Variants in MTUS1 observed in about 807,000 individuals in gnomAD.
MTUS1 encodes the protein microtubule-associated tumor suppressor 1.
A neutral mutation model predicts 120.8 loss-of-function variants in MTUS1; 109 were observed. That is an observed-to-expected ratio of 0.90 (90% CI 0.77 to 1.06). The LOEUF (loss-of-function observed/expected upper bound fraction) is 1.06, where lower values mean the gene tolerates loss of function less well. Ranked by LOEUF, MTUS1 falls within the 50% of genes least tolerant of loss-of-function variation. The pLI is 0.00. For missense variants in MTUS1, 2,210 were observed against 1,486.3 expected, an observed-to-expected ratio of 1.49 and a Z score of -8.01; for synonymous variants, 737 against 550.5, an observed-to-expected ratio of 1.34 and a Z score of -4.74.
intron 3 of MTUS1, among the ~76,000 whole-genome samples, chr8:17,730,595 C>T (rs1488083595): frequency 6.6e-6 from 1 of 151,772 alleles, no homozygotes; most frequent in Non-Finnish European, 1.5e-5. Flanking sequence ...CTACTGTTCA[C>T]AGGCAGATGA....
Position 17,754,904 on chromosome 8 carries a change from G to A in MTUS1, c.904C>T (p.Pro302Ser), listed in dbSNP as rs367941919. 2.5e-6 allele frequency: 4 copies of A among 1,614,038 alleles called. No homozygotes were observed. Among genetic ancestry groups the A allele is most frequent in the African/African-American group, 2.7e-5 (2 of 74,914 alleles). ...LTPVSDGMEV[P>S]NDSALQEFFC... Reference sequence around the variant, plus strand: ...AACTCTTGTAATGCAGAATCATTGGGGACTTCCATGCCATCAGAAACTGGT... The same window carrying A: ...AACTCTTGTAATGCAGAATCATTGGAGACTTCCATGCCATCAGAAACTGGT... Residue 302 changes from proline (P) to serine (S), a missense_variant, in exon 2 of 15, where the codon CCC becomes TCC. Physicochemically the swap from Pro to Ser is moderately conservative, Grantham distance 74 (BLOSUM62 -1). Transcript: ENST00000693296.
intron 13 of MTUS1, among the ~76,000 whole-genome samples, chr8:17,648,857 C>A (rs537715740): frequency 6.6e-6 from 1 of 152,356 alleles, no homozygotes; most frequent in African/African-American, 2.4e-5. Context: ...GGACAGTCAA[C>A]AGCAAGGCAC....
intron 1 of MTUS1, among the ~76,000 whole-genome samples, chr8:17,763,113 C>T (rs531298221): frequency 1.3e-5 from 2 of 152,134 alleles, no homozygotes; most frequent in South Asian, 4.1e-4. Context: ...GCCTCAGCCT[C>T]CTGAGTAGCT....
intron 6 of MTUS1, among the ~76,000 whole-genome samples, chr8:17,707,566 C>T (rs1820421583): frequency 6.6e-6 from 1 of 152,156 alleles, no homozygotes; most frequent in Non-Finnish European, 1.5e-5. Flanking sequence ...TTCAATGTAA[C>T]AGAAATTATT....
intron 6 of MTUS1, chr8:17,697,805 TTAAC>T (rs1818278734): frequency 1.2e-6 from 1 of 826,148 alleles, no homozygotes; most frequent in Non-Finnish European, 1.5e-6. Context: ...CTAGGGGAAA[TTAAC>T]TACTTCAAGT....
chr8:17,649,298 C>T (rs192850474), intron 13 of MTUS1, among the ~76,000 whole-genome samples: 2 of 152,194 alleles, frequency 1.3e-5, no homozygotes, highest in Admixed American at 1.3e-4. Flanking sequence ...CTCAAGTGAC[C>T]CACCCATCTC....
At chr8:17,681,564 T>A (rs546582079) in intron 7 of MTUS1, 1 of 154,942 alleles carries the variant, frequency 6.5e-6, no homozygotes, top group African/African-American at 2.4e-5. Context: ...AGTAAGAATA[T>A]CTGGCACTTA....
chr8:17,704,706 T>C (rs1044029365), intron 6 of MTUS1, among the ~76,000 whole-genome samples: 2 of 152,242 alleles, frequency 1.3e-5, no homozygotes, highest in East Asian at 1.9e-4. Flanking sequence ...CTGTGATGCC[T>C]CCAGCTTTGT....
intron 6 of MTUS1, among the ~76,000 whole-genome samples, chr8:17,696,520 A>C (rs7017165): frequency 0.011 from 1,693 of 152,334 alleles, 41 homozygotes; most frequent in African/African-American, 0.039. Flanking sequence ...AAACTGATTT[A>C]ATTTACTGTA....
intron 8 of MTUS1, among the ~76,000 whole-genome samples, chr8:17,668,908 G>A (rs1005213398): frequency 6.6e-6 from 1 of 152,074 alleles, no homozygotes; most frequent in Non-Finnish European, 1.5e-5. Context: ...AATGTTAAAC[G>A]GTTTATAGAA....
At chr8:17,774,806 A>G (rs1236496188) in intron 1 of MTUS1, among the ~76,000 whole-genome samples, 2 of 152,078 alleles carry the variant, frequency 1.3e-5, no homozygotes, top group African/African-American at 4.8e-5. Flanking sequence ...AGTATTTACA[A>G]TAACCAAAAA....
chr8:17,723,561 C>T (rs368387546), intron 4 of MTUS1, 111 bp downstream of exon 4: 1 of 1,163,572 alleles, frequency 8.6e-7, no homozygotes, highest in Non-Finnish European at 1.3e-6. Context: ...AGCAGTATGC[C>T]TATTTTTCCT....
chr8:17,676,730 T>C (rs1314723143), intron 7 of MTUS1, among the ~76,000 whole-genome samples: 1 of 152,196 alleles, frequency 6.6e-6, no homozygotes, highest in African/African-American at 2.4e-5. Context: ...CCCTCTCTAA[T>C]TGTGGTCATT....
At chr8:17,650,849 T>A (rs571319142) in intron 12 of MTUS1, among the ~76,000 whole-genome samples, 1 of 152,324 alleles carries the variant, frequency 6.6e-6, no homozygotes, top group African/African-American at 2.4e-5. Flanking sequence ...AAATTTATGC[T>A]ACAGAAGAAC....
At chr8:17,797,963 G>C (rs111763528) in intron 1 of MTUS1, among the ~76,000 whole-genome samples, 3,066 of 152,212 alleles carry the variant, frequency 0.02, 41 homozygotes, top group Non-Finnish European at 0.029. Context: ...CTGAGTAGCA[G>C]TATTGGAAAT....
At chr8:17,656,546 C>A (rs1350415364) in intron 8 of MTUS1, among the ~76,000 whole-genome samples, 6 of 42,328 alleles carry the variant, frequency 1.4e-4, no homozygotes, top group Admixed American at 4.9e-4. Flanking sequence ...ACAAACAAAA[C>A]CCCCCCCCAC....
intron 6 of MTUS1, chr8:17,706,016 G>A (rs755682170): frequency 7.2e-5 from 11 of 152,148 alleles, no homozygotes; most frequent in South Asian, 2.1e-4. Flanking sequence ...ATCTTGCAGC[G>A]TCATAACGTT....
intron 6 of MTUS1, among the ~76,000 whole-genome samples, chr8:17,706,686 A>C (rs1183327723): frequency 2.6e-5 from 4 of 152,192 alleles, no homozygotes; most frequent in Admixed American, 1.3e-4. Flanking sequence ...TACTTTTAAT[A>C]ATCTATCACA....
rs1407830124 is a variant in MTUS1, at chr8:17,644,022, C to CTGCTATGAGATTTATTT, written c.*1887_*1903dup. 2 of 152,208 alleles carry CTGCTATGAGATTTATTT rather than the reference C, an allele frequency of 1.3e-5. No homozygotes were observed. The highest frequency in any genetic ancestry group is 2.9e-5 in the Non-Finnish European group (2 of 68,032). 9.4% of individuals were successfully genotyped at this position (152,208 alleles called of 1,614,324 possible). A position where few individuals can be genotyped will look rare whatever the true frequency, so the allele number is the denominator to read the frequency against. On this transcript the variant is annotated 3_prime_UTR_variant, in exon 15 of 15. Transcript: ENST00000693296. ...ATCCTCCAAAGATGTTTTATATTAA[C>CTGCTATGAGATTTATTT]TGCTATGAGATTTATTTGCCGGTCA...
Sources: gnomAD v4.1 joint callset for allele counts (sites outside exome capture counted in the v4.1 genomes callset) on GRCh38, gnomAD v4.1.1 for gene constraint, MANE v1.5 for transcripts, NCBI Gene and HGNC (gene_info 2026-07-23, HGNC 2026-07-21) for gene names.